The following FAM184B variants were observed in gnomAD, a reference collection of about 807,000 sequenced individuals.
The protein encoded by FAM184B is family with sequence similarity 184 member B.
In FAM184B, 111 loss-of-function variants were observed where a neutral mutation model predicts 135.9. The observed-to-expected ratio is 0.82, with a 90% CI of 0.70 to 0.96. The LOEUF (loss-of-function observed/expected upper bound fraction) is 0.96, where lower values mean the gene tolerates loss of function less well. Among genes scored for constraint, FAM184B ranks in the 40% least tolerant of loss-of-function variants. The probability of loss-of-function intolerance (pLI) is 0.00; values close to 1 mark genes in which losing one functional copy is unlikely to be tolerated. For synonymous variants in FAM184B, 552 were observed against 524.8 expected, an observed-to-expected ratio of 1.05 and a Z score of -0.71; for missense variants, 1,375 against 1,323.9, an observed-to-expected ratio of 1.04 and a Z score of -0.60.
intron 14 of FAM184B, among the ~76,000 whole-genome samples, chr4:17,636,905 C>T (rs1299112459): frequency 6.6e-6 from 1 of 152,190 alleles, no homozygotes; most frequent in East Asian, 1.9e-4. Context: ...AGCGGGGCTT[C>T]AAGAGCCAGG....
rs1440370551 is a variant in FAM184B at position 17,630,612 on chromosome 4, ACT to A, written c.*1918_*1919del. On this transcript the variant is annotated 3_prime_UTR_variant, in exon 18 of 18. Transcript: ENST00000265018. ...TAGAGCAGCCTGAACGAACTAAGAC[ACT>A]CTAAGCGGGAAACTCACAAAAAATA... The A allele has an allele frequency of 3.9e-5, 6 of 152,182 alleles. No individual in the cohort carries two copies. The highest frequency in any genetic ancestry group is 1.2e-4 in the African/African-American group (5 of 41,448). 9.4% of individuals were successfully genotyped at this position (152,182 alleles called of 1,614,324 possible).
chr4:17,765,832 T>G (rs1316258915), intron 1 of FAM184B, among the ~76,000 whole-genome samples: 1 of 152,216 alleles, frequency 6.6e-6, no homozygotes, highest in Non-Finnish European at 1.5e-5. Context: ...GATATTCAGA[T>G]GTGTTCTGAG....
intron 12 of FAM184B, among the ~76,000 whole-genome samples, chr4:17,645,395 C>T (rs1715438969): frequency 6.6e-6 from 1 of 152,208 alleles, no homozygotes; most frequent in African/African-American, 2.4e-5. Context: ...ACCAATGGAA[C>T]ACAACAGAGC....
rs1714895143 is a variant in FAM184B, at chr4:17,630,519, G to A, written c.*2013C>T. 6.6e-6 allele frequency: 1 copy of A among 152,174 alleles called. No individual in the cohort carries two copies. The highest frequency in any genetic ancestry group is 1.5e-5 in the Non-Finnish European group (1 of 68,044). 9.4% of individuals were successfully genotyped at this position (152,174 alleles called of 1,614,324 possible). On this transcript the variant is annotated 3_prime_UTR_variant, in exon 18 of 18. Coordinates refer to ENST00000265018, the MANE Select transcript of FAM184B (RefSeq NM_015688.2). ...TGCTGGTGCCTTGATCTTGGACTTA[G>A]CCTCTAGGACTGTGAGTGACATATT...
chr4:17,721,674 T>G (rs1486467665), intron 1 of FAM184B, among the ~76,000 whole-genome samples: 2 of 152,144 alleles, frequency 1.3e-5, no homozygotes, highest in African/African-American at 4.8e-5. Context: ...GGTCAGACCC[T>G]CACAAGTCCA....
At chr4:17,658,229 TAAC>T (rs1382038847) in intron 10 of FAM184B, 118 bp downstream of exon 10, 1 of 949,104 alleles carries the variant, frequency 1.1e-6, no homozygotes, top group Non-Finnish European at 1.6e-6. Context: ...AATACAATAA[TAAC>T]AATCTGGAAA....
chr4:17,709,879 G>T (rs1002825347), intron 1 of FAM184B, among the ~76,000 whole-genome samples: 36 of 152,302 alleles, frequency 2.4e-4, no homozygotes, highest in African/African-American at 8.7e-4. Flanking sequence ...ATTGCACAAA[G>T]GCCCCAGAGA....
intron 1 of FAM184B, among the ~76,000 whole-genome samples, chr4:17,765,835 G>T (rs868425055): frequency 1.3e-4 from 20 of 152,282 alleles, no homozygotes; most frequent in African/African-American, 4.8e-4. Flanking sequence ...ATTCAGATGT[G>T]TTCTGAGTTT....
intron 7 of FAM184B, among the ~76,000 whole-genome samples, chr4:17,666,956 T>C (rs1413412973): frequency 1.3e-5 from 2 of 151,590 alleles, no homozygotes; most frequent in African/African-American, 4.9e-5. Context: ...TGTTTTTTTG[T>C]TTTTTTGTTT....
In FAM184B at chr4:17,630,767, A is replaced by AT. The variant is rs1714904509; in HGVS notation, c.*1764dup. ...CCTTTAATACGTAAGTTTGACAGTT[A>AT]TATGTAATCAGCTTTTTTTTTTTTA... On this transcript the variant is annotated 3_prime_UTR_variant, in exon 18 of 18. Transcript: ENST00000265018. 1 of 132,798 alleles carries AT rather than the reference A, an allele frequency of 7.5e-6. No homozygotes were observed. The highest frequency in any genetic ancestry group is 8.6e-5 in the Admixed American group (1 of 11,624). 8.2% of individuals were successfully genotyped at this position (132,798 alleles called of 1,614,324 possible).
chr4:17,664,342 A>C (rs1715994452), intron 8 of FAM184B, among the ~76,000 whole-genome samples: 1 of 152,212 alleles, frequency 6.6e-6, no homozygotes, highest in African/African-American at 2.4e-5. Context: ...TTCTTAAGCT[A>C]AAAAATGGCT....
At position 17,707,785 on chromosome 4, in the gene FAM184B, C is replaced by T. The variant is rs1172956426; in HGVS notation, c.895-1G>A. 22 of 1,551,958 alleles carry T rather than the reference C, an allele frequency of 1.4e-5. No individual in the cohort carries two copies. The highest frequency in any genetic ancestry group is 1.8e-5 in the Non-Finnish European group (21 of 1,147,034). On this transcript the variant is annotated splice_acceptor_variant, in intron 2 of 17. Coordinates refer to ENST00000265018, the MANE Select transcript of FAM184B (RefSeq NM_015688.2). LOFTEE classifies it high-confidence loss of function. ...CCTCCTTAAGCTGCACATCCAGGTC[C>T]TAAACAGACAGGAAGGGTCCCATTT...
In FAM184B at chr4:17,633,773, G is replaced by A; in HGVS notation, c.3005C>T (p.Thr1002Ile). 6.4e-7 allele frequency: 1 copy of A among 1,551,654 alleles called. No individual in the cohort carries two copies. Among genetic ancestry groups the A allele is most frequent in the Non-Finnish European group, 8.7e-7 (1 of 1,146,970 alleles). Residue 1002 changes from threonine (T) to isoleucine (I), a missense_variant, in exon 17 of 18, where the codon ACT (threonine) becomes ATT (isoleucine). Transcript: ENST00000265018. ...GCTTGGGTCCAAGCTGGGTGATGTAGTTATTGGAGGGGCATTAATCCTGGA... is the reference window on the plus strand; with the variant it reads ...GCTTGGGTCCAAGCTGGGTGATGTAATTATTGGAGGGGCATTAATCCTGGA... ...LSSRINAPPI[T>I]TSPSLDPSPS...
chr4:17,658,133 C>T (rs543673125), intron 10 of FAM184B, among the ~76,000 whole-genome samples: 1 of 152,316 alleles, frequency 6.6e-6, no homozygotes, highest in African/African-American at 2.4e-5. Flanking sequence ...GCAGACCTAG[C>T]CCGCTTCCTT....
chr4:17,766,450 T>C (rs1419446890), intron 1 of FAM184B, among the ~76,000 whole-genome samples: 1 of 152,148 alleles, frequency 6.6e-6, no homozygotes, highest in East Asian at 1.9e-4. Context: ...CTAGATAAGC[T>C]AGATACAGAG....
At chr4:17,663,293 T>C (rs1450121686) in intron 8 of FAM184B, among the ~76,000 whole-genome samples, 2 of 152,102 alleles carry the variant, frequency 1.3e-5, no homozygotes, top group East Asian at 1.9e-4. Flanking sequence ...ATTTAAAAAA[T>C]AGGTTTGCAG....
chr4:17,636,974 C>G (rs1715161273), intron 14 of FAM184B, among the ~76,000 whole-genome samples: 1 of 152,164 alleles, frequency 6.6e-6, no homozygotes. Flanking sequence ...TCTTAATGCT[C>G]TGGCGCCATC....
intron 1 of FAM184B, among the ~76,000 whole-genome samples, chr4:17,730,079 T>G (rs956106035): frequency 3.3e-5 from 5 of 152,180 alleles, no homozygotes; most frequent in African/African-American, 1.2e-4. Flanking sequence ...AAGGAGCTAA[T>G]GGAGCTGAAA....
intron 5 of FAM184B, among the ~76,000 whole-genome samples, chr4:17,699,232 T>C (rs1716931075): frequency 6.6e-6 from 1 of 151,834 alleles, no homozygotes; most frequent in African/African-American, 2.4e-5. Context: ...ACAAGGAATC[T>C]GAAAACGAAG....
Sources: gnomAD v4.1 joint callset for allele counts (sites outside exome capture counted in the v4.1 genomes callset) on GRCh38, gnomAD v4.1.1 for gene constraint, MANE v1.5 for transcripts, NCBI Gene and HGNC (gene_info 2026-07-23, HGNC 2026-07-21) for gene names.